Variants in TRIM66 observed in about 807,000 individuals in gnomAD.
The protein encoded by TRIM66 is tripartite motif-containing protein 66.
TRIM66 carries 99 observed loss-of-function variants against 148.2 expected under a neutral mutation model. The observed-to-expected ratio is 0.67, with a 90% CI of 0.57 to 0.79. TRIM66 has a LOEUF of 0.79. Among genes scored for constraint, TRIM66 ranks in the 30% least tolerant of loss-of-function variants. The pLI is 0.00. For missense variants in TRIM66, 1,666 were observed against 1,697.9 expected, an observed-to-expected ratio of 0.98 and a Z score of 0.33; for synonymous variants, 616 against 635.9, an observed-to-expected ratio of 0.97 and a Z score of 0.47.
At chr11:8,625,383 C>A (rs2034721844) in intron 15 of TRIM66, among the ~76,000 whole-genome samples, 155 bp from the exon 16 acceptor site, 1 of 151,970 alleles carries the variant, frequency 6.6e-6, no homozygotes, top group Middle Eastern at 3.2e-3. Context: ...TCAGGCAATG[C>A]ATGAAGCCCT....
chr11:8,651,711 T>G, intron 7 of TRIM66, 89 bp downstream of exon 7: 1 of 1,012,126 alleles, frequency 9.9e-7, no homozygotes. Flanking sequence ...AATCAGATGA[T>G]AGAGTGATGG....
intron 23 of TRIM66, 156 bp from the exon 24 acceptor site, chr11:8,619,124 G>T: frequency 1.3e-6 from 1 of 768,822 alleles, no homozygotes; most frequent in East Asian, 2.7e-5. Context: ...AAACTAGTTT[G>T]GTAGCAGCTC....
chr11:8,645,727 G>A lies in TRIM66; in HGVS notation c.1104+14C>T, dbSNP rs1303965591. On this transcript the variant is annotated intron_variant, in intron 12 of 24. Transcript: ENST00000646038. ...CTTCAAGGACAGGCTGAGGAGTTGGGAGATTCCTCTTACCAGCTCTTTGCT... is the reference window on the plus strand; with the variant it reads ...CTTCAAGGACAGGCTGAGGAGTTGGAAGATTCCTCTTACCAGCTCTTTGCT... The A allele has an allele frequency of 5.8e-6, 9 of 1,551,418 alleles. No homozygotes were observed. The African/African-American group carries it at 9.6e-5, about 17-fold the overall frequency.
At chr11:8,644,916 C>T (rs2036716558) in intron 12 of TRIM66, among the ~76,000 whole-genome samples, 1 of 152,146 alleles carries the variant, frequency 6.6e-6, no homozygotes, top group African/African-American at 2.4e-5. Flanking sequence ...GTCAAATGGA[C>T]CACTTAAAAT....
At chr11:8,644,611 T>G (rs2036689153) in intron 12 of TRIM66, among the ~76,000 whole-genome samples, 1 of 152,156 alleles carries the variant, frequency 6.6e-6, no homozygotes, top group Non-Finnish European at 1.5e-5. Context: ...TTTCTCAGTG[T>G]ACTTACCCCA....
chr11:8,651,619 CATT>C (rs563597149), intron 7 of TRIM66, among the ~76,000 whole-genome samples, 178 bp downstream of exon 7: 22 of 152,276 alleles, frequency 1.4e-4, no homozygotes. Flanking sequence ...AAAACCCCCT[CATT>C]GTTTCCCCCA....
intron 6 of TRIM66, among the ~76,000 whole-genome samples, chr11:8,656,885 A>T (rs549072171): frequency 1.3e-5 from 2 of 152,322 alleles, no homozygotes; most frequent in South Asian, 4.1e-4. Flanking sequence ...GCAGATTCCC[A>T]ACAGACAGGT....
In TRIM66 at chr11:8,612,127, C is replaced by T. The variant is rs941915002; in HGVS notation, c.*5817G>A. 6.6e-6 allele frequency: 1 copy of T among 152,168 alleles called. No homozygotes were observed. The highest frequency in any genetic ancestry group is 1.5e-5 in the Non-Finnish European group (1 of 68,020). The allele number at this position is 152,168 out of a possible 1,614,324, so 9.4% of individuals were successfully genotyped here. On this transcript the variant is annotated 3_prime_UTR_variant, in exon 25 of 25. Transcript: ENST00000646038. ...TATACTTCCCTTTAAAATATCCTCC[C>T]TCATGCCCCAACCGCTTAGAATCCA...
intron 6 of TRIM66, among the ~76,000 whole-genome samples, chr11:8,663,970 TG>T (rs1424001808): frequency 6.6e-6 from 1 of 151,750 alleles, no homozygotes; most frequent in Non-Finnish European, 1.5e-5. Flanking sequence ...GGGGCTAGAG[TG>T]GTTGGCAGGG....
At position 8,621,132 on chromosome 11, in the gene TRIM66, A is replaced by G; in HGVS notation, c.3445T>C (p.Cys1149Arg). The G allele has an allele frequency of 1.3e-6, 2 of 1,551,758 alleles. No homozygotes were observed. The highest frequency in any genetic ancestry group is 1.7e-6 in the Non-Finnish European group (2 of 1,147,002). ...PPAPIENEDF[C>R]AVCLNGGELL... ...TCTCCGCCATTGAGGCAAACAGCAC[A>G]GAAGTCCTCATTCTCTATTGGGGCT... Residue 1149 changes from cysteine (C) to arginine (R), a missense_variant, in exon 20 of 25, where the codon TGT becomes CGT. This residue lies in a region of TRIM66 where 1,431 missense variants were observed against 1,412.4 expected (regional missense o/e 1.01). Transcript: ENST00000646038.
rs374998083 is a variant in TRIM66, at chr11:8,624,731, C to G, written c.2808G>C (p.Leu936=). 139 of 1,532,728 alleles carry G rather than the reference C, an allele frequency of 9.1e-5. 1 individual carries two copies. The East Asian group carries it at 3.4e-3, about 38-fold the overall frequency. 94.9% of individuals were successfully genotyped at this position (1,532,728 alleles called of 1,614,324 possible). A position where few individuals can be genotyped will look rare whatever the true frequency, so the allele number is the denominator to read the frequency against. The change falls in exon 16 of 25, where the codon CTG becomes CTC. Residue 936 remains leucine (L), a synonymous_variant. Transcript: ENST00000646038. ...GACTTACCTTACACAGAGCATTCTC[C>G]AGGGAGGGATCAGCCCCATCTCTGG... is the stretch of plus-strand genomic sequence containing the variant. The part of the protein sequence containing the change: ...LCPRDGADPS[L]ENALCKMESE...
At chr11:8,645,582 A>G in intron 12 of TRIM66, 159 bp downstream of exon 12, 1 of 845,260 alleles carries the variant, frequency 1.2e-6, no homozygotes, top group Non-Finnish European at 1.8e-6. Flanking sequence ...ACCCAAAAGC[A>G]GTGATTGAAT....
chr11:8,643,013 A>G lies in TRIM66; in HGVS notation c.1218T>C (p.Ser406=). ...GGTGGGTGGGTCCAAGCTCACCAAG[A>G]GAAGCTAGCTGCTTGGTCCAGAAGT... The part of the protein sequence containing the change: ...EPNFWTKQLA[S]LGCITTEGGQ... Residue 406 remains serine, a synonymous_variant, in exon 13 of 25, where the codon TCT becomes TCC. Transcript: ENST00000646038. 1.3e-6 allele frequency: 2 copies of G among 1,549,876 alleles called. No homozygotes were observed. Among genetic ancestry groups the G allele is most frequent in the East Asian group, 2.4e-5 (1 of 40,850 alleles).
At chr11:8,629,143 A>G (rs2035153312) in intron 15 of TRIM66, among the ~76,000 whole-genome samples, 1 of 152,218 alleles carries the variant, frequency 6.6e-6, no homozygotes, top group South Asian at 2.1e-4. Context: ...ATCAATGGCT[A>G]TCTCAAACAT....
intron 15 of TRIM66, among the ~76,000 whole-genome samples, chr11:8,633,256 A>C (rs1449980133): frequency 6.6e-6 from 1 of 152,074 alleles, no homozygotes. Context: ...TGGGAGGCAG[A>C]GGTTGCGGTG....
Position 8,641,234 on chromosome 11 carries a change from A to AC in TRIM66, c.1223-83dup, listed in dbSNP as rs565601432. On this transcript the variant is annotated intron_variant, in intron 13 of 24. Coordinates refer to ENST00000646038, the MANE Select transcript of TRIM66 (RefSeq NM_001388022.1). The stretch of plus-strand genomic sequence containing the variant: ...TACTTCCTGCTCCTGGGACAAAAGA[A>AC]CCTCATTCAACAATCCTGTACCAGG... 123 of 1,212,942 alleles carry AC rather than the reference A, an allele frequency of 1.0e-4. No homozygotes were observed. In the East Asian group the frequency reaches 2.1e-3, roughly 20 times the overall value. The allele number at this position is 1,212,942 out of a possible 1,614,324, so 75.1% of individuals were successfully genotyped here.
intron 3 of TRIM66, among the ~76,000 whole-genome samples, chr11:8,677,537 G>A (rs139270819): frequency 2.0e-5 from 3 of 152,246 alleles, no homozygotes; most frequent in Non-Finnish European, 4.4e-5. Flanking sequence ...CCAGTGCTTT[G>A]GGAGGGCGAG....
chr11:8,624,313 G>C lies in TRIM66; in HGVS notation c.3019+46C>G, dbSNP rs763266442. 6.5e-6 allele frequency: 10 copies of C among 1,538,872 alleles called. No individual in the cohort carries two copies. The East Asian group carries it at 2.4e-4, about 38-fold the overall frequency. On this transcript the variant is annotated intron_variant, in intron 17 of 24. Transcript: ENST00000646038. ...TTACCTAGAAGTGCTGAGTCCATCT[G>C]CTCAAGTCTGTGGCCAACATGAAGG...
intron 3 of TRIM66, among the ~76,000 whole-genome samples, chr11:8,677,526 C>A (rs1191640689): frequency 6.6e-6 from 1 of 152,046 alleles, no homozygotes; most frequent in East Asian, 1.9e-4. Flanking sequence ...TGCCTGTAAT[C>A]CCAGTGCTTT....
Sources: gnomAD v4.1 joint callset for allele counts (sites outside exome capture counted in the v4.1 genomes callset) on GRCh38, gnomAD v4.1.1 for gene constraint, gnomAD v4.1.1 regional missense constraint, MANE v1.5 for transcripts, NCBI Gene and HGNC (gene_info 2026-07-23, HGNC 2026-07-21) for gene names.